BICC1: variants seen among roughly 807,000 people sequenced by gnomAD.
The protein encoded by BICC1 is BicC family RNA binding protein 1.
In BICC1, 43 loss-of-function variants were observed where a neutral mutation model predicts 111.0. The observed-to-expected ratio is 0.39, with a 90% confidence interval of 0.30 to 0.50. BICC1 has a LOEUF of 0.50. BICC1 is among the 20% of genes least tolerant of loss of function. BICC1 has a pLI of 0.88. For missense variants in BICC1, 1,091 were observed against 1,203.2 expected, an observed-to-expected ratio of 0.91 and a Z score of 1.38; for synonymous variants, 467 against 434.4, an observed-to-expected ratio of 1.07 and a Z score of -0.93.
rs752778936 is a variant in BICC1 at position 58,807,197 on chromosome 10, T to C, written c.2376+39T>C. 3 of 1,579,386 alleles carry C rather than the reference T, an allele frequency of 1.9e-6. No homozygotes were observed. The South Asian group carries it at 3.5e-5, about 18-fold the overall frequency. ...TGTCCTACTCATTCTTCCTGTCTGT[T>C]CTTTCAGCAAAAGAGGACAGTCCTT... On this transcript the variant is annotated intron_variant, in intron 17 of 20. Coordinates refer to ENST00000373886, the MANE Select transcript of BICC1 (RefSeq NM_001080512.3).
chr10:58,786,518 T>C (rs1050895223), intron 4 of BICC1, among the ~76,000 whole-genome samples: 3 of 152,202 alleles, frequency 2.0e-5, no homozygotes, highest in Admixed American at 2.0e-4. Context: ...ATCTTAGTTA[T>C]GCAGTCCCAC....
At chr10:58,528,111 C>G (rs1317073190) in intron 1 of BICC1, among the ~76,000 whole-genome samples, 1 of 151,898 alleles carries the variant, frequency 6.6e-6, no homozygotes, top group Non-Finnish European at 1.5e-5. Context: ...CATGATGGAT[C>G]TGGATTAAAA....
chr10:58,813,066 G>A (rs1414235006), intron 17 of BICC1, among the ~76,000 whole-genome samples: 1 of 152,098 alleles, frequency 6.6e-6, no homozygotes, highest in African/African-American at 2.4e-5. Flanking sequence ...TTATGCCATT[G>A]CAAGATTGAA....
rs559891875 is a variant in BICC1, at chr10:58,628,214, A to G, written c.237+7313A>G. The stretch of plus-strand genomic sequence containing the variant: ...CAGGATTAAAAACAACTACCATCTT[A>G]TGAAGAAAAACAGATAACAATAACT... On this transcript the variant is annotated intron_variant, in intron 2 of 20. Transcript: ENST00000373886. 2.8e-4 allele frequency among the ~76,000 whole-genome samples: 42 copies of G among 152,316 alleles called. No individual in the cohort carries two copies. The East Asian group carries it at 5.8e-3, about 21-fold the overall frequency.
intron 2 of BICC1, among the ~76,000 whole-genome samples, chr10:58,695,680 A>G (rs754081236): frequency 6.6e-6 from 1 of 152,236 alleles, no homozygotes; most frequent in Non-Finnish European, 1.5e-5. Context: ...GCATGTTAGT[A>G]GAATATTGCT....
chr10:58,701,918 C>A (rs1840249444), intron 2 of BICC1, among the ~76,000 whole-genome samples, 156 bp from the exon 3 acceptor site: 1 of 151,850 alleles, frequency 6.6e-6, no homozygotes, highest in African/African-American at 2.4e-5. Context: ...CTTTTCCCCC[C>A]AGGGTTTTTT....
chr10:58,615,473 C>T (rs530296832), intron 1 of BICC1, among the ~76,000 whole-genome samples: 1 of 152,266 alleles, frequency 6.6e-6, no homozygotes, highest in South Asian at 2.1e-4. Context: ...CACATGAGCT[C>T]GTGCTTTGCT....
chr10:58,704,791 G>A (rs560250595), intron 3 of BICC1, among the ~76,000 whole-genome samples: 2 of 152,320 alleles, frequency 1.3e-5, no homozygotes, highest in Non-Finnish European at 2.9e-5. Context: ...CTGAGCTAGA[G>A]AGACAGTACA....
intron 1 of BICC1, among the ~76,000 whole-genome samples, chr10:58,542,663 A>G (rs1049887911): frequency 6.6e-6 from 1 of 152,188 alleles, no homozygotes; most frequent in Admixed American, 6.6e-5. Flanking sequence ...CTGTAACTCA[A>G]TAACAAACAT....
chr10:58,743,803 G>T (rs1437347604), intron 3 of BICC1, among the ~76,000 whole-genome samples: 17 of 150,410 alleles, frequency 1.1e-4, no homozygotes, highest in East Asian at 9.7e-4. Flanking sequence ...AAAGCAGATG[G>T]GTTATACATG....
At chr10:58,719,453 A>G (rs1297927145) in intron 3 of BICC1, among the ~76,000 whole-genome samples, 2 of 151,832 alleles carry the variant, frequency 1.3e-5, no homozygotes, top group Non-Finnish European at 2.9e-5. Context: ...GATGGAGCCT[A>G]ACACTCTCTT....
At position 58,698,737 on chromosome 10, in the gene BICC1, G is replaced by T. The variant is rs554433953; in HGVS notation, c.238-3337G>T. ...TACAAGGGCTAATATCAAGCACTCA[G>T]TACGTGCCATGCTATGTGCTTTGGG... On this transcript the variant is annotated intron_variant, in intron 2 of 20. Coordinates refer to ENST00000373886, the MANE Select transcript of BICC1 (RefSeq NM_001080512.3). 2.0e-5 allele frequency among the ~76,000 whole-genome samples: 3 copies of T among 152,308 alleles called. No homozygotes were observed. In the South Asian group the frequency reaches 6.2e-4, roughly 32 times the overall value.
At chr10:58,524,665 T>A (rs996518195) in intron 1 of BICC1, among the ~76,000 whole-genome samples, 4 of 151,742 alleles carry the variant, frequency 2.6e-5, no homozygotes, top group African/African-American at 9.7e-5. Context: ...GGACTTCATG[T>A]CTAAAACACC....
chr10:58,604,554 G>A (rs1388028565), intron 1 of BICC1, among the ~76,000 whole-genome samples: 4 of 152,002 alleles, frequency 2.6e-5, no homozygotes, highest in African/African-American at 7.2e-5. Flanking sequence ...CCAGCTACTC[G>A]GGAGGCTGAG....
intron 17 of BICC1, among the ~76,000 whole-genome samples, chr10:58,812,985 A>C (rs1843959259): frequency 6.6e-6 from 1 of 152,170 alleles, no homozygotes; most frequent in African/African-American, 2.4e-5. Context: ...GGTAGGTGGA[A>C]AACTTGGGGC....
intron 2 of BICC1, among the ~76,000 whole-genome samples, chr10:58,670,330 T>A (rs988271711): frequency 6.6e-6 from 1 of 152,174 alleles, no homozygotes; most frequent in African/African-American, 2.4e-5. Flanking sequence ...ATAAAGTAAA[T>A]GTAGCATTCA....
chr10:58,787,111 G>T, intron 5 of BICC1, 30 bp downstream of exon 5: 1 of 1,525,522 alleles, frequency 6.6e-7, no homozygotes, highest in Non-Finnish European at 8.8e-7. Flanking sequence ...GAACTTTTAT[G>T]GGATGAATTA....
In BICC1 at chr10:58,513,088, CGGCAGCGCA is replaced by C; in HGVS notation, c.-50_-42del. The C allele has an allele frequency of 7.8e-7, 1 of 1,274,292 alleles. No individual in the cohort carries two copies. Among genetic ancestry groups the C allele is most frequent in the Non-Finnish European group, 1.0e-6 (1 of 1,001,548 alleles). The allele number at this position is 1,274,292 out of a possible 1,614,324, so 78.9% of individuals were successfully genotyped here. On this transcript the variant is annotated 5_prime_UTR_variant, in exon 1 of 21. Coordinates refer to ENST00000373886, the MANE Select transcript of BICC1 (RefSeq NM_001080512.3). ...GTTGAGCCCGGCCGGCGAGCGGAGG[CGGCAGCGCA>C]GGCAGAGCGGCGGCGGCAGCGGGAG...
chr10:58,804,210 TC>T (rs1280939143), intron 15 of BICC1, among the ~76,000 whole-genome samples: 1 of 152,110 alleles, frequency 6.6e-6, no homozygotes, highest in Non-Finnish European at 1.5e-5. Flanking sequence ...TTATAATGTG[TC>T]AGTGTTTAAA....
Sources: allele counts gnomAD v4.1 joint callset (sites outside exome capture counted in the v4.1 genomes callset), GRCh38; gene constraint gnomAD v4.1.1; transcripts MANE v1.5; gene names NCBI Gene and HGNC (gene_info 2026-07-23, HGNC 2026-07-21).